The following TRAF5 variants were observed in gnomAD, a reference collection of about 807,000 sequenced individuals.
The protein encoded by TRAF5 is TNF receptor-associated factor 5.
Under a neutral mutation model 64.5 loss-of-function variants are expected in TRAF5, and 48 were observed. The ratio of observed to expected loss-of-function variants is 0.74; its 90% CI spans 0.59 to 0.95. The LOEUF is 0.95. Among genes scored for constraint, TRAF5 ranks in the 40% least tolerant of loss-of-function variants. The pLI, the probability that TRAF5 is intolerant of heterozygous loss-of-function variation, is 0.00. For synonymous variants in TRAF5, 206 were observed against 240.5 expected, an observed-to-expected ratio of 0.86 and a Z score of 1.33; for missense variants, 545 against 662.8, an observed-to-expected ratio of 0.82 and a Z score of 1.95.
intron 7 of TRAF5, among the ~76,000 whole-genome samples, chr1:211,362,714 A>G (rs903686285): frequency 6.6e-6 from 1 of 152,118 alleles, no homozygotes; most frequent in Non-Finnish European, 1.5e-5. Context: ...CAACAACAAC[A>G]AAAGCCCTTT....
rs746103409 is a variant in TRAF5 at position 211,353,228 on chromosome 1, G to T, written c.-1-11G>T. The stretch of plus-strand genomic sequence containing the variant: ...CACTTAATTTTCCCTCTCCTCCCCT[G>T]ACCTCTGCAGAATGGCTTATTCAGA... On this transcript the variant is annotated splice_polypyrimidine_tract_variant and intron_variant, in intron 1 of 10. Transcript: ENST00000261464. 4.3e-6 allele frequency: 7 copies of T among 1,613,678 alleles called. No homozygotes were observed. The African/African-American group carries it at 6.7e-5, about 15-fold the overall frequency.
intron 1 of TRAF5, 68 bp from the exon 2 acceptor site, chr1:211,353,171 A>G: frequency 7.0e-7 from 1 of 1,421,258 alleles, no homozygotes; most frequent in Non-Finnish European, 9.9e-7. Flanking sequence ...TAACCAAAGC[A>G]TCTGATGGCT....
chr1:211,354,409 G>A lies in TRAF5; in HGVS notation c.219-1G>A. On this transcript the variant is annotated splice_acceptor_variant, in intron 2 of 10. Coordinates refer to ENST00000261464, the MANE Select transcript of TRAF5 (RefSeq NM_001033910.3). LOFTEE classifies it high-confidence loss of function. The stretch of plus-strand genomic sequence containing the variant: ...GGCTCCATTTTAATTTTTTTCTCCA[G>A]AGAATTAAACACAGTGCCAATCTGC... The A allele has an allele frequency of 6.2e-7, 1 of 1,613,934 alleles. No homozygotes were observed.
intron 8 of TRAF5, 199 bp from the exon 9 acceptor site, chr1:211,369,253 G>A (rs1002616779): frequency 2.1e-5 from 9 of 427,424 alleles, no homozygotes; most frequent in African/African-American, 1.9e-4. Context: ...GAGAAATTCT[G>A]TAGATGTGGC....
At chr1:211,347,616 G>C (rs990918014) in intron 1 of TRAF5, among the ~76,000 whole-genome samples, 1 of 152,254 alleles carries the variant, frequency 6.6e-6, no homozygotes, top group African/African-American at 2.4e-5. Context: ...GATGGGGAGA[G>C]GAAGGATGGG....
At chr1:211,360,891 C>T (rs572696139) in intron 6 of TRAF5, 112 bp downstream of exon 6, 59 of 1,053,688 alleles carry the variant, frequency 5.6e-5, no homozygotes, top group East Asian at 2.0e-4. Flanking sequence ...TTAAATTACA[C>T]GCATGACCAT....
Position 211,361,979 on chromosome 1 carries a change from G to A in TRAF5, c.696+817G>A, listed in dbSNP as rs117989844. 2.4e-4 allele frequency among the ~76,000 whole-genome samples: 36 copies of A among 152,022 alleles called. No homozygotes were observed. In the East Asian group the frequency reaches 3.5e-3, roughly 15 times the overall value. ...CCCAAAGTGCTGGGATTACAGCACC[G>A]TGCCTGGCCCACAGTAATTATTTCT... On this transcript the variant is annotated intron_variant, in intron 7 of 10. Coordinates refer to ENST00000261464, the MANE Select transcript of TRAF5 (RefSeq NM_001033910.3).
At chr1:211,369,817 C>CGTGTAT (rs1463301645) in intron 9 of TRAF5, among the ~76,000 whole-genome samples, 1 of 151,604 alleles carries the variant, frequency 6.6e-6, no homozygotes, top group East Asian at 1.9e-4. Flanking sequence ...CCTCCCCCGA[C>CGTGTAT]GTGTATGTGT....
At chr1:211,355,665 T>C (rs1702939522) in intron 3 of TRAF5, among the ~76,000 whole-genome samples, 1 of 152,244 alleles carries the variant, frequency 6.6e-6, no homozygotes, top group South Asian at 2.1e-4. Flanking sequence ...CTACCTGTTT[T>C]TGTATGGCCT....
intron 1 of TRAF5, among the ~76,000 whole-genome samples, chr1:211,331,213 A>G (rs984610336): frequency 6.6e-6 from 1 of 152,076 alleles, no homozygotes; most frequent in Non-Finnish European, 1.5e-5. Flanking sequence ...CCCCAGGTCC[A>G]TCTGTATTCA....
At chr1:211,347,572 G>A (rs35791308) in intron 1 of TRAF5, among the ~76,000 whole-genome samples, 1 of 152,212 alleles carries the variant, frequency 6.6e-6, no homozygotes, top group South Asian at 2.1e-4. Context: ...GAATGACTTA[G>A]GCCTGTTGAA....
At chr1:211,342,332 G>C (rs1572061012) in intron 1 of TRAF5, among the ~76,000 whole-genome samples, 1 of 150,924 alleles carries the variant, frequency 6.6e-6, no homozygotes, top group East Asian at 2.0e-4. Context: ...TCTTTTTTTT[G>C]AATTGTGATA....
At chr1:211,330,635 G>A (rs1365776228) in intron 1 of TRAF5, among the ~76,000 whole-genome samples, 1 of 152,078 alleles carries the variant, frequency 6.6e-6, no homozygotes, top group African/African-American at 2.4e-5. Flanking sequence ...CTCCTCACTC[G>A]GCACCGTGCA....
intron 1 of TRAF5, among the ~76,000 whole-genome samples, chr1:211,346,686 C>A (rs1292670131): frequency 6.6e-6 from 1 of 152,178 alleles, no homozygotes; most frequent in Non-Finnish European, 1.5e-5. Context: ...CTTTGTTAAA[C>A]CTTAAACTCT....
At chr1:211,337,624 C>G (rs1039295481) in intron 1 of TRAF5, among the ~76,000 whole-genome samples, 7 of 152,136 alleles carry the variant, frequency 4.6e-5, no homozygotes, top group Non-Finnish European at 1.0e-4. Context: ...GAGACTGATG[C>G]AATAACCACT....
chr1:211,364,332 C>T (rs1703278964), intron 7 of TRAF5, among the ~76,000 whole-genome samples: 2 of 152,138 alleles, frequency 1.3e-5, no homozygotes, highest in African/African-American at 4.8e-5. Flanking sequence ...GCAGCCAGTC[C>T]GTGATTGGAG....
At chr1:211,350,511 A>AT in intron 1 of TRAF5, among the ~76,000 whole-genome samples, 1 of 152,214 alleles carries the variant, frequency 6.6e-6, no homozygotes, top group East Asian at 1.9e-4. Flanking sequence ...CCTGCTTAGC[A>AT]TTGTGGACTT....
At chr1:211,360,800 CT>C in intron 6 of TRAF5, 21 bp downstream of exon 6, 2 of 1,596,368 alleles carry the variant, frequency 1.3e-6, no homozygotes, top group Non-Finnish European at 1.7e-6. Flanking sequence ...ATAATCCTCT[CT>C]GTAGATTTTA....
intron 1 of TRAF5, among the ~76,000 whole-genome samples, chr1:211,348,778 T>C (rs1702692816): frequency 6.6e-6 from 1 of 152,154 alleles, no homozygotes; most frequent in South Asian, 2.1e-4. Flanking sequence ...CAAGGGTCAG[T>C]TGACTATATT....
Sources: allele counts gnomAD v4.1 joint callset (sites outside exome capture counted in the v4.1 genomes callset), GRCh38; gene constraint gnomAD v4.1.1; transcripts MANE v1.5; gene names NCBI Gene and HGNC (gene_info 2026-07-23, HGNC 2026-07-21).